Variants in KDM5B observed in about 807,000 individuals in gnomAD.
The protein encoded by KDM5B is lysine demethylase 5B.
In KDM5B, 144 loss-of-function variants were observed where a neutral mutation model predicts 193.4. That is an observed-to-expected ratio of 0.74 (90% CI 0.65 to 0.86). KDM5B has a LOEUF of 0.86. Ranked by LOEUF, KDM5B falls within the 40% of genes least tolerant of loss-of-function variation. The pLI, the probability that KDM5B is intolerant of heterozygous loss-of-function variation, is 0.00. For missense variants in KDM5B, 1,833 were observed against 1,886.9 expected (o/e 0.97, Z 0.53); for synonymous variants, 668 against 682.6 (o/e 0.98, Z 0.33).
chr1:202,755,215 A>C lies in KDM5B; in HGVS notation c.1538+56T>G. The C allele has an allele frequency of 4.3e-6, 6 of 1,404,372 alleles. No homozygotes were observed. The South Asian group carries it at 7.2e-5, about 17-fold the overall frequency. The allele number at this position is 1,404,372 out of a possible 1,614,324, so 87.0% of individuals were successfully genotyped here. On this transcript the variant is annotated intron_variant, in intron 11 of 26. Coordinates refer to ENST00000367265, the MANE Select transcript of KDM5B (RefSeq NM_006618.5). ...TTAAGACACATCTGCACTGAAAAGG[A>C]AAGTTTTCCTATCCAGCATGCATAC...
At chr1:202,754,357 T>C (rs1655925086) in intron 11 of KDM5B, among the ~76,000 whole-genome samples, 1 of 152,180 alleles carries the variant, frequency 6.6e-6, no homozygotes, top group Admixed American at 6.5e-5. Flanking sequence ...AATATTTTTA[T>C]ATTTAGAAGA....
chr1:202,753,016 T>C lies in KDM5B; in HGVS notation c.1590A>G (p.Leu530=). The change falls in exon 12 of 27, where the codon CTA becomes CTG. Residue 530 remains leucine (L), a synonymous_variant. Coordinates refer to ENST00000367265, the MANE Select transcript of KDM5B (RefSeq NM_006618.5). ...YGVPGYAAEQ[L]ENVMKKLAPE... ...GAGCTAGTTTCTTCATTACATTTTC[T>C]AGCTGCTCAGCAGCATACCCTGGGA... 6.2e-7 allele frequency: 1 copy of C among 1,614,172 alleles called. No individual in the cohort carries two copies. Among genetic ancestry groups the C allele is most frequent in the Non-Finnish European group, 8.5e-7 (1 of 1,180,008 alleles).
chr1:202,783,835 C>T (rs2102316670), intron 1 of KDM5B, among the ~76,000 whole-genome samples: 1 of 152,072 alleles, frequency 6.6e-6, no homozygotes, highest in East Asian at 1.9e-4. Context: ...GAGCCAAGAT[C>T]ACACCACTGC....
intron 6 of KDM5B, among the ~76,000 whole-genome samples, chr1:202,763,425 G>A (rs1435070717): frequency 6.6e-6 from 1 of 152,280 alleles, no homozygotes; most frequent in South Asian, 2.1e-4. Context: ...ACTAGTTAGC[G>A]GTTGTGCCAA....
chr1:202,773,862 C>T (rs1024347103), intron 3 of KDM5B, among the ~76,000 whole-genome samples: 2 of 151,936 alleles, frequency 1.3e-5, no homozygotes, highest in Non-Finnish European at 2.9e-5. Flanking sequence ...CTCAGCCTCC[C>T]GAGTAGCTGG....
intron 3 of KDM5B, 21 bp from the exon 4 acceptor site, chr1:202,773,309 G>A: frequency 2.5e-6 from 4 of 1,609,550 alleles, no homozygotes; most frequent in Non-Finnish European, 3.4e-6. Context: ...AGCAAAATTA[G>A]AAACAACTAT....
intron 1 of KDM5B, among the ~76,000 whole-genome samples, chr1:202,803,371 C>T (rs1658153510): frequency 1.3e-5 from 2 of 152,116 alleles, no homozygotes; most frequent in Admixed American, 1.3e-4. Flanking sequence ...ACATTACATT[C>T]TTAAAGTCTA....
intron 23 of KDM5B, among the ~76,000 whole-genome samples, chr1:202,732,421 G>A (rs1428289929): frequency 6.6e-6 from 1 of 152,166 alleles, no homozygotes; most frequent in Non-Finnish European, 1.5e-5. Flanking sequence ...TATAAGAGTT[G>A]TGTCCTTTCC....
intron 1 of KDM5B, among the ~76,000 whole-genome samples, chr1:202,794,933 C>T (rs1169979350): frequency 1.3e-5 from 2 of 152,104 alleles, no homozygotes; most frequent in Non-Finnish European, 2.9e-5. Flanking sequence ...TTACATGGGG[C>T]CGGGTGTGGT....
intron 4 of KDM5B, among the ~76,000 whole-genome samples, chr1:202,768,472 G>A (rs903252260): frequency 5.3e-5 from 8 of 151,994 alleles, no homozygotes; most frequent in South Asian, 2.1e-4. Flanking sequence ...AATGAGATTC[G>A]CCCCTTTCCC....
chr1:202,740,796 T>C lies in KDM5B; in HGVS notation c.2962A>G (p.Asn988Asp), dbSNP rs1448421310. ...LLKARPRHSL[N>D]SLATAVKEIE... Reference sequence around the variant, plus strand: ...TCCTTTACTGCCGTAGCAAGGCTATTCAATGAATGTCGTGGCCTACAAAAT... The same window carrying C: ...TCCTTTACTGCCGTAGCAAGGCTATCCAATGAATGTCGTGGCCTACAAAAT... The change falls in exon 20 of 27, where the codon AAT becomes GAT. Residue 988 changes from asparagine (N) to aspartate (D), a missense_variant. This residue lies in a region of KDM5B where 1,379 missense variants were observed against 1,349.6 expected (regional missense o/e 1.02). Transcript: ENST00000367265. 6.2e-7 allele frequency: 1 copy of C among 1,611,486 alleles called. No individual in the cohort carries two copies.
In KDM5B at chr1:202,808,206, C is replaced by CCGGGCACTCGGGTGGAGG. The variant is rs1366691907; in HGVS notation, c.82_99dup (p.Pro28_Pro33dup). The CCGGGCACTCGGGTGGAGG allele has an allele frequency of 1.2e-6, 2 of 1,612,820 alleles. No homozygotes were observed. The highest frequency in any genetic ancestry group is 1.7e-6 in the Non-Finnish European group (2 of 1,179,576). ...AACTCTTCCCAGCTGGGTTCGAAGA[C>CCGGGCACTCGGGTGGAGG]CGGGCACTCGGGTGGAGGCAGGAAC... On this transcript the variant is annotated inframe_insertion, in exon 1 of 27. Coordinates refer to ENST00000367265, the MANE Select transcript of KDM5B (RefSeq NM_006618.5).
chr1:202,745,365 A>AAG (rs1031950235), intron 16 of KDM5B, among the ~76,000 whole-genome samples: 2 of 152,138 alleles, frequency 1.3e-5, no homozygotes, highest in Admixed American at 6.5e-5. Context: ...CATAAGAAAA[A>AAG]AGAGAGAGAG....
chr1:202,730,205 T>C (rs1654832049), intron 25 of KDM5B, among the ~76,000 whole-genome samples, 178 bp from the exon 26 acceptor site: 1 of 152,214 alleles, frequency 6.6e-6, no homozygotes, highest in South Asian at 2.1e-4. Flanking sequence ...AGTTTGGGTT[T>C]AACATACTTC....
chr1:202,790,176 A>G (rs1288237585), intron 1 of KDM5B, among the ~76,000 whole-genome samples: 1 of 151,870 alleles, frequency 6.6e-6, no homozygotes. Context: ...GAGGCAGGAG[A>G]ATCTCAAACT....
chr1:202,783,694 G>C (rs959686838), intron 1 of KDM5B, among the ~76,000 whole-genome samples: 6 of 151,644 alleles, frequency 4.0e-5, no homozygotes, highest in Non-Finnish European at 8.8e-5. Flanking sequence ...TGGCTAACAC[G>C]GTGAAACCCC....
intron 12 of KDM5B, among the ~76,000 whole-genome samples, chr1:202,751,616 CTCATT>C (rs1442975006): frequency 6.6e-6 from 1 of 152,174 alleles, no homozygotes; most frequent in Non-Finnish European, 1.5e-5. Flanking sequence ...CAGATGTCAT[CTCATT>C]TAAGAGCCCT....
At chr1:202,801,561 T>C (rs1010812203) in intron 1 of KDM5B, among the ~76,000 whole-genome samples, 1 of 152,170 alleles carries the variant, frequency 6.6e-6, no homozygotes, top group Non-Finnish European at 1.5e-5. Context: ...CATCTAATAA[T>C]GACAGAAAAA....
In KDM5B at chr1:202,752,981, A is replaced by G. The variant is rs762221540; in HGVS notation, c.1625T>C (p.Phe542Ser). 1 of 1,614,150 alleles carries G rather than the reference A, an allele frequency of 6.2e-7. No homozygotes were observed. The change falls in exon 12 of 27, where the codon TTT becomes TCT. Residue 542 changes from phenylalanine to serine, a missense_variant. Physicochemically the swap from Phe to Ser is radical, Grantham distance 155. Transcript: ENST00000367265. Reference sequence around the variant, plus strand: ...ATGGAGGAGATCCGGCTGGGACACAAAGAGTTCTGGAGCTAGTTTCTTCAT... The same window carrying G: ...ATGGAGGAGATCCGGCTGGGACACAGAGAGTTCTGGAGCTAGTTTCTTCAT... ...NVMKKLAPEL[F>S]VSQPDLLHQL... is the part of the protein sequence containing the mutation.
Sources: gnomAD v4.1 joint callset for allele counts (sites outside exome capture counted in the v4.1 genomes callset) on GRCh38, gnomAD v4.1.1 for gene constraint, gnomAD v4.1.1 regional missense constraint, MANE v1.5 for transcripts, NCBI Gene and HGNC (gene_info 2026-07-23, HGNC 2026-07-21) for gene names.